B4GALT5: variants seen among roughly 807,000 people sequenced by gnomAD.
B4GALT5 encodes UDP-Gal:beta-GlcNAc beta-1,4-galactosyltransferase 5.
Under a neutral mutation model 45.0 loss-of-function variants are expected in B4GALT5, and 11 were observed. The observed-to-expected ratio is 0.24, with a 90% confidence interval of 0.15 to 0.40. The LOEUF (loss-of-function observed/expected upper bound fraction) is 0.40, where lower values mean the gene tolerates loss of function less well. Ranked by LOEUF, B4GALT5 falls within the 10% of genes least tolerant of loss-of-function variation. B4GALT5 has a pLI of 1.00. For synonymous variants in B4GALT5, 185 were observed against 182.9 expected, an observed-to-expected ratio of 1.01 and a Z score of -0.09; for missense variants, 337 against 500.2, an observed-to-expected ratio of 0.67 and a Z score of 3.11.
chr20:49,664,681 C>G (rs2085681480), intron 1 of B4GALT5, among the ~76,000 whole-genome samples: 1 of 152,108 alleles, frequency 6.6e-6, no homozygotes, highest in African/African-American at 2.4e-5. Context: ...TCAGATATTA[C>G]TAAATGTTAA....
intron 3 of B4GALT5, among the ~76,000 whole-genome samples, chr20:49,646,610 C>T (rs2085600119): frequency 6.6e-6 from 1 of 152,144 alleles, no homozygotes; most frequent in South Asian, 2.1e-4. Context: ...CTAGGAGGTT[C>T]TCCCAACAAT....
intron 1 of B4GALT5, among the ~76,000 whole-genome samples, chr20:49,680,751 G>A (rs892269723): frequency 6.6e-6 from 1 of 151,928 alleles, no homozygotes; most frequent in Non-Finnish European, 1.5e-5. Flanking sequence ...TGTACTTAAC[G>A]CCACTAAATT....
At chr20:49,687,880 A>G (rs990638425) in intron 1 of B4GALT5, among the ~76,000 whole-genome samples, 2 of 143,612 alleles carry the variant, frequency 1.4e-5, no homozygotes, top group African/African-American at 2.8e-5. Context: ...AGAGAAAATT[A>G]AAAAAAAAAA....
intron 1 of B4GALT5, among the ~76,000 whole-genome samples, chr20:49,701,832 T>C (rs560981440): frequency 6.6e-6 from 1 of 152,008 alleles, no homozygotes; most frequent in East Asian, 1.9e-4. Flanking sequence ...CCCAGCACTT[T>C]GGGAAGCCAA....
rs140492674 is a variant in B4GALT5, at chr20:49,688,458, G to A, written c.115+25118C>T. ...GGCAAACCAAAAAGAGATGGAGCCT[G>A]ACCAAAACCACGCCCTTGCTGTGGT... On this transcript the variant is annotated intron_variant, in intron 1 of 8. Transcript: ENST00000371711. Among the ~76,000 whole-genome samples, 224 of 152,306 alleles carry A rather than the reference G, an allele frequency of 1.5e-3. 2 individuals are homozygous for A. The highest frequency in any genetic ancestry group is 2.4e-3 in the Non-Finnish European group (161 of 68,024).
intron 1 of B4GALT5, among the ~76,000 whole-genome samples, chr20:49,692,024 GCAA>G: frequency 6.6e-6 from 1 of 152,130 alleles, no homozygotes; most frequent in East Asian, 1.9e-4. Flanking sequence ...GATTCTCCTG[GCAA>G]CAACACACCT....
At chr20:49,701,771 G>A (rs1000309716) in intron 1 of B4GALT5, among the ~76,000 whole-genome samples, 1 of 152,122 alleles carries the variant, frequency 6.6e-6, no homozygotes, top group Non-Finnish European at 1.5e-5. Context: ...ATGGAGATTT[G>A]GGGCTAAGAA....
intron 1 of B4GALT5, among the ~76,000 whole-genome samples, chr20:49,708,229 A>T (rs528354178): frequency 6.6e-6 from 1 of 152,260 alleles, no homozygotes; most frequent in Admixed American, 6.5e-5. Flanking sequence ...TGGGTGACAG[A>T]GCGAGAGACT....
chr20:49,636,478 G>C lies in B4GALT5; in HGVS notation c.1020-19C>G. The C allele has an allele frequency of 1.9e-6, 3 of 1,613,658 alleles. No individual in the cohort carries two copies. The South Asian group carries it at 3.3e-5, about 18-fold the overall frequency. ...AGCATACCTGTTTAGGGAGGGAACA[G>C]AGAAGAGGTGGCTCTGAGTGAGGAT... On this transcript the variant is annotated intron_variant, in intron 8 of 8. Coordinates refer to ENST00000371711, the MANE Select transcript of B4GALT5 (RefSeq NM_004776.4).
intron 1 of B4GALT5, among the ~76,000 whole-genome samples, chr20:49,684,337 C>T (rs1418852853): frequency 2.6e-5 from 4 of 151,982 alleles, no homozygotes; most frequent in Non-Finnish European, 4.4e-5. Flanking sequence ...CTGAGGCAGG[C>T]GGATCACAAG....
chr20:49,656,500 T>C, intron 2 of B4GALT5, 68 bp downstream of exon 2: 1 of 1,581,012 alleles, frequency 6.3e-7, no homozygotes, highest in South Asian at 1.1e-5. Flanking sequence ...AAAATAATTA[T>C]TGCAACCGAA....
At chr20:49,657,875 C>T (rs1454925008) in intron 1 of B4GALT5, among the ~76,000 whole-genome samples, 1 of 152,194 alleles carries the variant, frequency 6.6e-6, no homozygotes, top group Non-Finnish European at 1.5e-5. Flanking sequence ...CACTGTATTT[C>T]AAGCTAGTGC....
chr20:49,699,384 A>T (rs898053596), intron 1 of B4GALT5, among the ~76,000 whole-genome samples: 1 of 151,660 alleles, frequency 6.6e-6, no homozygotes, highest in South Asian at 2.1e-4. Context: ...AAAAAAAAAA[A>T]AAAAACCCCA....
chr20:49,688,918 CAA>C (rs937463162), intron 1 of B4GALT5, among the ~76,000 whole-genome samples: 4 of 103,442 alleles, frequency 3.9e-5, no homozygotes, highest in Non-Finnish European at 7.4e-5. Context: ...GCCTGGGTAA[CAA>C]GAGTGAAACT....
intron 1 of B4GALT5, among the ~76,000 whole-genome samples, chr20:49,695,178 T>C (rs2085833743): frequency 6.6e-6 from 1 of 150,906 alleles, no homozygotes; most frequent in African/African-American, 2.4e-5. Context: ...CTATGGCTTT[T>C]ATTGAACAAT....
chr20:49,682,706 C>T (rs532570607), intron 1 of B4GALT5, among the ~76,000 whole-genome samples: 2 of 152,304 alleles, frequency 1.3e-5, no homozygotes, highest in South Asian at 2.1e-4. Context: ...CCTAAAAGGA[C>T]ACACAAGTTT....
chr20:49,643,404 T>C (rs2085585075), intron 4 of B4GALT5, 122 bp downstream of exon 4: 1 of 1,303,392 alleles, frequency 7.7e-7, no homozygotes, highest in Admixed American at 2.3e-5. Flanking sequence ...GTTTCTACAT[T>C]TGCATGGAAT....
At chr20:49,652,713 G>C (rs149946453) in intron 2 of B4GALT5, among the ~76,000 whole-genome samples, 42 of 152,238 alleles carry the variant, frequency 2.8e-4, no homozygotes, top group African/African-American at 1.0e-3. Flanking sequence ...ATCCCCAAAA[G>C]TCTGTTTTCA....
chr20:49,667,960 TG>T (rs2085698950), intron 1 of B4GALT5, among the ~76,000 whole-genome samples: 1 of 152,222 alleles, frequency 6.6e-6, no homozygotes, highest in African/African-American at 2.4e-5. Context: ...AAGGAATTTT[TG>T]GCAGCAAAAT....
Sources: gnomAD v4.1 joint callset for allele counts (sites outside exome capture counted in the v4.1 genomes callset) on GRCh38, gnomAD v4.1.1 for gene constraint, MANE v1.5 for transcripts, NCBI Gene and HGNC (gene_info 2026-07-23, HGNC 2026-07-21) for gene names.